RUSF1: variants seen among roughly 807,000 people sequenced by gnomAD.
RUSF1 encodes RUS1 family protein C16orf58.
A neutral mutation model predicts 63.0 loss-of-function variants in RUSF1; 58 were observed. The ratio of observed to expected loss-of-function variants is 0.92; its 90% CI spans 0.75 to 1.15. The LOEUF is 1.15. RUSF1 is among the 50% of genes most tolerant of loss of function. The pLI, the probability that RUSF1 is intolerant of heterozygous loss-of-function variation, is 0.00. For missense variants in RUSF1, 652 were observed against 611.0 expected, an observed-to-expected ratio of 1.07 and a Z score of -0.71; for synonymous variants, 274 against 255.8, an observed-to-expected ratio of 1.07 and a Z score of -0.68.
chr16:31,494,080 G>A, intron 6 of RUSF1, 144 bp from the exon 7 acceptor site: 1 of 892,402 alleles, frequency 1.1e-6, no homozygotes, highest in Non-Finnish European at 1.7e-6. Context: ...AGTTTTTGGT[G>A]GGTGAAATGT....
In RUSF1 at chr16:31,490,039, G is replaced by T; in HGVS notation, c.*796C>A. The T allele has an allele frequency of 6.2e-7, 1 of 1,608,008 alleles. No homozygotes were observed. The highest frequency in any genetic ancestry group is 8.5e-7 in the Non-Finnish European group (1 of 1,178,176). ...CAGGCAGTGACGAGCTGGTGTGCAA[G>T]AGACTTTAGGGCCAGGCATGGGGGG... On this transcript the variant is annotated 3_prime_UTR_variant, in exon 13 of 13. Transcript: ENST00000327237.
intron 1 of RUSF1, 56 bp from the exon 2 acceptor site, chr16:31,507,934 T>C: frequency 1.3e-6 from 2 of 1,538,734 alleles, no homozygotes; most frequent in Admixed American, 2.0e-5. Context: ...GCGGTCTAAG[T>C]GCCTTCATCT....
intron 2 of RUSF1, among the ~76,000 whole-genome samples, chr16:31,501,971 C>T (rs1166272984): frequency 6.6e-6 from 1 of 152,200 alleles, no homozygotes; most frequent in Admixed American, 6.5e-5. Context: ...TGAGTTGCTG[C>T]AACTAAGATT....
chr16:31,502,137 C>A (rs985837567), intron 2 of RUSF1, among the ~76,000 whole-genome samples: 3 of 152,070 alleles, frequency 2.0e-5, no homozygotes, highest in African/African-American at 7.2e-5. Flanking sequence ...TGGGAGAGGA[C>A]AGATACCATG....
At position 31,489,595 on chromosome 16, in the gene RUSF1, C is replaced by G. The variant is rs368107267; in HGVS notation, c.*1240G>C. 6.5e-3 allele frequency: 3,808 copies of G among 583,480 alleles called. 159 individuals carry two copies. The South Asian group carries it at 0.073, about 11-fold the overall frequency. The allele number at this position is 583,480 out of a possible 1,614,324, so 36.1% of individuals were successfully genotyped here. On this transcript the variant is annotated 3_prime_UTR_variant, in exon 13 of 13. Coordinates refer to ENST00000327237, the MANE Select transcript of RUSF1 (RefSeq NM_022744.4). ...AATCCTTGGCATGGCCTTTGGGACTCAAAACACAGGATCTGACTGGTGGGC... is the reference window on the plus strand; with the variant it reads ...AATCCTTGGCATGGCCTTTGGGACTGAAAACACAGGATCTGACTGGTGGGC...
intron 3 of RUSF1, among the ~76,000 whole-genome samples, chr16:31,500,471 G>C (rs1357798796): frequency 5.3e-5 from 8 of 152,210 alleles, no homozygotes; most frequent in East Asian, 1.9e-4. Flanking sequence ...GTAAGGATTA[G>C]AGACAACATA....
rs1003136904 is a variant in RUSF1, at chr16:31,508,098, G to A, written c.276C>T (p.Pro92=). ...FPDSVSPDYL[P]YQLWDSVQAF... is the part of the protein sequence containing the mutation. Reference sequence around the variant, plus strand: ...CCTGCACGGAATCCCACAGCTGGTAGGGCAAGTAGTCCGGGCTGACGCTAT... The same window carrying A: ...CCTGCACGGAATCCCACAGCTGGTAAGGCAAGTAGTCCGGGCTGACGCTAT... Residue 92 remains proline, a synonymous_variant, in exon 1 of 13, where the codon CCC becomes CCT. Transcript: ENST00000327237. 1 of 1,605,632 alleles carries A rather than the reference G, an allele frequency of 6.2e-7. No homozygotes were observed. The highest frequency in any genetic ancestry group is 1.3e-5 in the African/African-American group (1 of 74,738).
chr16:31,498,608 GGTGA>G (rs2082616241), intron 5 of RUSF1, among the ~76,000 whole-genome samples: 1 of 152,158 alleles, frequency 6.6e-6, no homozygotes, highest in Non-Finnish European at 1.5e-5. Context: ...TCCTCATTTG[GGTGA>G]GATCAACCTG....
In RUSF1 at chr16:31,493,777, C is replaced by T. The variant is rs188888421; in HGVS notation, c.784G>A (p.Gly262Arg). ...AGGGCAGTGAGGAAGAAGAAACATC[C>T]AAGGCTGAAGCTGGGGTGAGAGAGT... is the stretch of plus-strand genomic sequence containing the variant. ...LVSGCPGFSL[G>R]CFFFLTALHI... is the part of the protein sequence containing the mutation. Residue 262 changes from glycine (G) to arginine (R), a missense_variant, in exon 8 of 13, where the codon GGA becomes AGA. Physicochemically the swap from Gly to Arg is moderately radical, Grantham distance 125 (BLOSUM62 -2). Transcript: ENST00000327237. 45 of 1,614,186 alleles carry T rather than the reference C, an allele frequency of 2.8e-5. No individual in the cohort carries two copies. The Admixed American group carries it at 5.5e-4, about 20-fold the overall frequency.
At chr16:31,494,640 G>C (rs542084207) in intron 6 of RUSF1, among the ~76,000 whole-genome samples, 1 of 152,046 alleles carries the variant, frequency 6.6e-6, no homozygotes, top group South Asian at 2.1e-4. Context: ...GGTGCCCTCG[G>C]AATACCCTTG....
rs2082579678 is a variant in RUSF1 at position 31,492,831 on chromosome 16, G to A, written c.1087+147C>T. ...AAAGCGGTGACATGAATTTCACTGG[G>A]GCATTGCAGCTGTAATTTGAACGGT... On this transcript the variant is annotated intron_variant, in intron 10 of 12. Transcript: ENST00000327237. The A allele has an allele frequency of 5.8e-6, 4 of 691,266 alleles. No individual in the cohort carries two copies. In the Admixed American group the frequency reaches 1.2e-4, roughly 20 times the overall value. The allele number at this position is 691,266 out of a possible 1,614,324, so 42.8% of individuals were successfully genotyped here. A position where few individuals can be genotyped will look rare whatever the true frequency, so the allele number is the denominator to read the frequency against.
Position 31,507,870 on chromosome 16 carries a change from A to G in RUSF1, c.309T>C (p.Ala103=), listed in dbSNP as rs1488316918. 1.3e-6 allele frequency: 2 copies of G among 1,559,972 alleles called. No homozygotes were observed. The highest frequency in any genetic ancestry group is 1.7e-6 in the Non-Finnish European group (2 of 1,151,400). Residue 103 remains alanine, a synonymous_variant, in exon 2 of 13, where the codon GCT becomes GCC. Transcript: ENST00000327237. The part of the protein sequence containing the change: ...YQLWDSVQAF[A]SSLSGSLATQ... The stretch of plus-strand genomic sequence containing the variant: ...TGGCTAGGGAGCCGGAGAGGCTGGA[A>G]GCAAACGCCTGGAGAAGAAAACAAG...
chr16:31,503,715 T>G (rs1253969325), intron 2 of RUSF1, among the ~76,000 whole-genome samples: 3 of 152,190 alleles, frequency 2.0e-5, no homozygotes, highest in African/African-American at 7.2e-5. Flanking sequence ...CAGGCTGGAG[T>G]GCAATGGCGC....
chr16:31,501,401 C>T (rs1596630100), intron 2 of RUSF1, among the ~76,000 whole-genome samples: 3 of 152,082 alleles, frequency 2.0e-5, no homozygotes, highest in African/African-American at 4.8e-5. Flanking sequence ...TCAAGACCAG[C>T]CTGGGCAACA....
At position 31,491,962 on chromosome 16, in the gene RUSF1, G is replaced by A; in HGVS notation, c.1309+47C>T. The A allele has an allele frequency of 3.7e-6, 6 of 1,603,238 alleles. No individual in the cohort carries two copies. In the African/African-American group the frequency reaches 5.3e-5, roughly 14 times the overall value. ...GGAGTGGGGGAAGGCGGGGCCCCCAGGGACAAGGCTTCAGGGGCCAAGCAG... is the reference window on the plus strand; with the variant it reads ...GGAGTGGGGGAAGGCGGGGCCCCCAAGGACAAGGCTTCAGGGGCCAAGCAG... On this transcript the variant is annotated intron_variant, in intron 12 of 12. Coordinates refer to ENST00000327237, the MANE Select transcript of RUSF1 (RefSeq NM_022744.4).
intron 2 of RUSF1, among the ~76,000 whole-genome samples, chr16:31,503,587 C>T (rs190795320): frequency 2.0e-5 from 3 of 152,322 alleles, no homozygotes; most frequent in Admixed American, 2.0e-4. Context: ...AAGCTCTGCA[C>T]AGAAATTTCC....
At chr16:31,499,631 AC>A in intron 3 of RUSF1, 106 bp from the exon 4 acceptor site, 1 of 1,066,498 alleles carries the variant, frequency 9.4e-7, no homozygotes. Flanking sequence ...GCTCAGGAAA[AC>A]CCACACCCCC....
intron 2 of RUSF1, among the ~76,000 whole-genome samples, chr16:31,503,539 T>C (rs2082642732): frequency 6.6e-6 from 1 of 152,174 alleles, no homozygotes; most frequent in African/African-American, 2.4e-5. Flanking sequence ...TAACTGAAAA[T>C]GATCACATCA....
intron 2 of RUSF1, among the ~76,000 whole-genome samples, chr16:31,500,960 A>G (rs1176708058): frequency 6.6e-6 from 1 of 152,244 alleles, no homozygotes; most frequent in Non-Finnish European, 1.5e-5. Context: ...TGTTCTTTGC[A>G]GAATTGTTCA....
Sources: allele counts gnomAD v4.1 joint callset (sites outside exome capture counted in the v4.1 genomes callset), GRCh38; gene constraint gnomAD v4.1.1; transcripts MANE v1.5; gene names NCBI Gene and HGNC (gene_info 2026-07-23, HGNC 2026-07-21).